Variants in PLXDC1 observed in about 807,000 individuals in gnomAD.
PLXDC1 encodes plexin domain containing 1.
In PLXDC1, 39 loss-of-function variants were observed where a neutral mutation model predicts 61.3. The observed-to-expected ratio is 0.64, with a 90% CI of 0.49 to 0.83. The LOEUF (loss-of-function observed/expected upper bound fraction) is 0.83. PLXDC1 is among the 40% of genes least tolerant of loss of function. PLXDC1 has a pLI of 0.00. For missense variants in PLXDC1, 596 were observed against 666.5 expected, an observed-to-expected ratio of 0.89 and a Z score of 1.17; for synonymous variants, 212 against 254.5, an observed-to-expected ratio of 0.83 and a Z score of 1.59.
intron 2 of PLXDC1, among the ~76,000 whole-genome samples, chr17:39,135,500 A>C (rs1333945457): frequency 6.6e-6 from 1 of 152,048 alleles, no homozygotes; most frequent in South Asian, 2.1e-4. Flanking sequence ...AACATGGTGA[A>C]ACCCCATCTC....
At chr17:39,100,236 CTT>C (rs200426050) in intron 7 of PLXDC1, among the ~76,000 whole-genome samples, 1 of 152,114 alleles carries the variant, frequency 6.6e-6, no homozygotes, top group African/African-American at 2.4e-5. Context: ...CTGGCTAACA[CTT>C]TTTTTCTTTT....
intron 8 of PLXDC1, among the ~76,000 whole-genome samples, chr17:39,087,035 A>T (rs1434514917): frequency 6.6e-6 from 1 of 152,204 alleles, no homozygotes; most frequent in African/African-American, 2.4e-5. Context: ...CAGCTGTCCC[A>T]GCCCCATCCC....
intron 7 of PLXDC1, among the ~76,000 whole-genome samples, chr17:39,090,381 A>G (rs1157958011): frequency 6.6e-6 from 1 of 152,126 alleles, no homozygotes; most frequent in Non-Finnish European, 1.5e-5. Context: ...CTCCCATGCC[A>G]CTAGGAGGGT....
At chr17:39,140,190 C>T (rs1911890065) in intron 1 of PLXDC1, among the ~76,000 whole-genome samples, 1 of 152,250 alleles carries the variant, frequency 6.6e-6, no homozygotes, top group South Asian at 2.1e-4. Context: ...TGATTATTCT[C>T]AACCTCAGCT....
intron 7 of PLXDC1, among the ~76,000 whole-genome samples, chr17:39,096,058 A>G (rs1435275652): frequency 6.6e-6 from 1 of 152,206 alleles, no homozygotes; most frequent in East Asian, 1.9e-4. Context: ...GCTTGGCCAG[A>G]AGAAGTTAGG....
intron 1 of PLXDC1, chr17:39,144,836 A>T (rs973334529): frequency 6.6e-6 from 1 of 152,166 alleles, no homozygotes; most frequent in African/African-American, 2.4e-5. Flanking sequence ...GTCCAGTGGG[A>T]TGCCATAATA....
chr17:39,140,122 C>T (rs1178306545), intron 1 of PLXDC1, among the ~76,000 whole-genome samples: 3 of 152,166 alleles, frequency 2.0e-5, no homozygotes, highest in South Asian at 2.1e-4. Flanking sequence ...TTAAAAGTCA[C>T]GCAGTGGGTT....
Position 39,128,117 on chromosome 17 carries a change from A to ATATATATATATATATATGTATG in PLXDC1, c.255+11536_255+11537insCATACATATATATATATATATA, listed in dbSNP as rs1419979117. Reference sequence around the variant, plus strand: ...TATGTGTATATATATATATATATGTATATATATATGTGTATATATATGTAT... The same window carrying ATATATATATATATATATGTATG: ...TATGTGTATATATATATATATATGTATATATATATATATATATGTATGTATATATATGTGTATATATATGTAT... On this transcript the variant is annotated intron_variant, in intron 2 of 13. Coordinates refer to ENST00000315392, the MANE Select transcript of PLXDC1 (RefSeq NM_020405.5). Among the ~76,000 whole-genome samples the ATATATATATATATATATGTATG allele has an allele frequency of 7.3e-5, 7 of 96,426 alleles. 1 individual carries two copies. Among genetic ancestry groups the ATATATATATATATATATGTATG allele is most frequent in the Non-Finnish European group, 1.4e-4 (7 of 51,810 alleles). The allele number at this position is 96,426 out of a possible 152,430, so 63.3% of individuals were successfully genotyped here.
intron 2 of PLXDC1, among the ~76,000 whole-genome samples, chr17:39,129,533 T>A (rs528442945): frequency 7.2e-6 from 1 of 138,626 alleles, no homozygotes; most frequent in South Asian, 2.3e-4. Context: ...AGGAGAATCG[T>A]TTGAACCCGG....
chr17:39,102,726 ACACACACACACACACT>A lies in PLXDC1; in HGVS notation c.811+3112_811+3127del, dbSNP rs1316197319. Among the ~76,000 whole-genome samples, 8 of 126,060 alleles carry A rather than the reference ACACACACACACACACT, an allele frequency of 6.3e-5. No individual in the cohort carries two copies. The East Asian group carries it at 1.6e-3, about 26-fold the overall frequency. 82.7% of individuals were successfully genotyped at this position (126,060 alleles called of 152,430 possible). ...CAAATACACACACACACACACACACACACACACACACACACTCACTCACCTGAAGGCTTGCAGCTCT... is the reference window on the plus strand; with the variant it reads ...CAAATACACACACACACACACACACACACTCACCTGAAGGCTTGCAGCTCT... On this transcript the variant is annotated intron_variant, in intron 7 of 13. Coordinates refer to ENST00000315392, the MANE Select transcript of PLXDC1 (RefSeq NM_020405.5).
At chr17:39,094,180 G>A (rs1021399324) in intron 7 of PLXDC1, among the ~76,000 whole-genome samples, 1 of 152,260 alleles carries the variant, frequency 6.6e-6, no homozygotes, top group Admixed American at 6.5e-5. Context: ...GGTGGCCTGG[G>A]CTCTGAGTAA....
intron 2 of PLXDC1, among the ~76,000 whole-genome samples, chr17:39,128,104 T>TATATATATATATATATACAC (rs1911384382): frequency 1.1e-5 from 1 of 87,240 alleles, no homozygotes; most frequent in Non-Finnish European, 2.3e-5. Flanking sequence ...TGTGTATATA[T>TATATATATATATATATACAC]ATATATATAT....
chr17:39,129,776 A>AGAG (rs1911499767), intron 2 of PLXDC1, among the ~76,000 whole-genome samples: 2 of 107,068 alleles, frequency 1.9e-5, no homozygotes, highest in African/African-American at 7.6e-5. Flanking sequence ...AGAGAGAAAG[A>AGAG]AAAAGAAAGA....
At chr17:39,070,204 C>G in intron 12 of PLXDC1, 188 bp from the exon 13 acceptor site, 1 of 486,608 alleles carries the variant, frequency 2.1e-6, no homozygotes, top group Non-Finnish European at 3.6e-6. Context: ...GTTCTTGACA[C>G]CATCTGGGTA....
intron 2 of PLXDC1, among the ~76,000 whole-genome samples, chr17:39,126,505 C>T (rs1335269277): frequency 6.6e-6 from 1 of 152,064 alleles, no homozygotes. Flanking sequence ...ATTAAACAGA[C>T]ATAAATGTGA....
chr17:39,096,288 A>G (rs1056204798), intron 7 of PLXDC1, among the ~76,000 whole-genome samples: 3 of 152,224 alleles, frequency 2.0e-5, no homozygotes, highest in African/African-American at 7.2e-5. Context: ...AGAAAAAGGC[A>G]GAGAAAGAAG....
At chr17:39,085,406 G>A (rs1159386464) in intron 8 of PLXDC1, among the ~76,000 whole-genome samples, 1 of 152,238 alleles carries the variant, frequency 6.6e-6, no homozygotes, top group Non-Finnish European at 1.5e-5. Flanking sequence ...TATCCAGAGG[G>A]TCTGGAACAG....
chr17:39,074,904 C>G (rs571646730), intron 11 of PLXDC1, among the ~76,000 whole-genome samples: 1 of 152,200 alleles, frequency 6.6e-6, no homozygotes, highest in South Asian at 2.1e-4. Flanking sequence ...CTGTCACCAG[C>G]TCCCCAAAGG....
At chr17:39,088,907 C>T (rs890708756) in intron 7 of PLXDC1, among the ~76,000 whole-genome samples, 27 of 125,444 alleles carry the variant, frequency 2.2e-4, no homozygotes, top group Non-Finnish European at 3.0e-4. Context: ...TGAGATTGTG[C>T]CACTGCACTC....
Sources: allele counts gnomAD v4.1 joint callset (sites outside exome capture counted in the v4.1 genomes callset), GRCh38; gene constraint gnomAD v4.1.1; transcripts MANE v1.5; gene names NCBI Gene and HGNC (gene_info 2026-07-23, HGNC 2026-07-21).